AHCTF1: variants seen among roughly 807,000 people sequenced by gnomAD.
AHCTF1 encodes the protein AT-hook containing transcription factor 1, also known as protein ELYS.
Under a neutral mutation model 248.4 loss-of-function variants are expected in AHCTF1, and 24 were observed. The observed-to-expected ratio is 0.10, with a 90% confidence interval of 0.07 to 0.14. The LOEUF is 0.14. AHCTF1 is among the 10% of genes least tolerant of loss of function. The pLI is 1.00. For synonymous variants in AHCTF1, 786 were observed against 929.8 expected (o/e 0.85, Z 2.81); for missense variants, 2,206 against 2,636.2 (o/e 0.84, Z 3.57).
intron 34 of AHCTF1, among the ~76,000 whole-genome samples, chr1:246,843,268 G>A (rs372085829): frequency 1.3e-5 from 2 of 152,200 alleles, no homozygotes; most frequent in South Asian, 4.1e-4. Context: ...GGTCTATAAA[G>A]TATTTGAAGT....
intron 11 of AHCTF1, among the ~76,000 whole-genome samples, chr1:246,899,127 T>C (rs1664817052): frequency 6.6e-6 from 1 of 152,164 alleles, no homozygotes; most frequent in African/African-American, 2.4e-5. Context: ...CTTTTTTTTT[T>C]TCCTGTGCCA....
At chr1:246,899,617 T>C in intron 10 of AHCTF1, 105 bp from the exon 11 acceptor site, 1 of 737,404 alleles carries the variant, frequency 1.4e-6, no homozygotes, top group Non-Finnish European at 2.2e-6. Context: ...GTCAAATTAT[T>C]ACATGTAATA....
At chr1:246,869,929 G>A (rs1379252547) in intron 24 of AHCTF1, among the ~76,000 whole-genome samples, 1 of 152,184 alleles carries the variant, frequency 6.6e-6, no homozygotes, top group African/African-American at 2.4e-5. Context: ...ATTCCTCTGA[G>A]AGATCCGAAC....
intron 3 of AHCTF1, 42 bp downstream of exon 3, chr1:246,916,100 G>A (rs1666126280): frequency 6.3e-7 from 1 of 1,585,642 alleles, no homozygotes; most frequent in Non-Finnish European, 8.6e-7. Flanking sequence ...CAGGGGTTCA[G>A]TTTTGAAAGA....
chr1:246,875,228 G>A (rs1662854285), intron 24 of AHCTF1, among the ~76,000 whole-genome samples: 1 of 151,378 alleles, frequency 6.6e-6, no homozygotes, highest in Non-Finnish European at 1.5e-5. Flanking sequence ...AAACCCTCCT[G>A]TCACCTTCCC....
At chr1:246,910,113 A>G (rs545451160) in intron 4 of AHCTF1, among the ~76,000 whole-genome samples, 2 of 152,350 alleles carry the variant, frequency 1.3e-5, no homozygotes, top group South Asian at 4.1e-4. Flanking sequence ...CCAAAATACT[A>G]AACCTTCATC....
rs1306894372 is a variant in AHCTF1, at chr1:246,860,922, G to A, written c.4109C>T (p.Pro1370Leu). The change falls in exon 29 of 36, where the codon CCT becomes CTT. Residue 1370 changes from proline to leucine, a missense_variant. Pro to Leu is a moderately conservative substitution (Grantham distance 98). Around this residue, in one of 6 missense-constraint regions of AHCTF1, gnomAD observed 955 missense variants for 1,055.6 expected, o/e 0.90. Transcript: ENST00000648844. ...DKDVFASEVTPSDLQKQMGNL... is the reference protein window; with the variant it reads ...DKDVFASEVTLSDLQKQMGNL... ...ACCCATTTGTTTCTGTAGGTCTGAA[G>A]GAGTTACTTCTGATGCAAATACATC... is the stretch of plus-strand genomic sequence containing the variant. 2 of 1,610,434 alleles carry A rather than the reference G, an allele frequency of 1.2e-6. No homozygotes were observed. The highest frequency in any genetic ancestry group is 1.3e-5 in the African/African-American group (1 of 74,818).
At position 246,850,788 on chromosome 1, in the gene AHCTF1, G is replaced by A. The variant is rs958589626; in HGVS notation, c.5218C>T (p.Arg1740Cys). 5.0e-6 allele frequency: 8 copies of A among 1,613,624 alleles called. No individual in the cohort carries two copies. Among genetic ancestry groups the A allele is most frequent in the African/African-American group, 4.0e-5 (3 of 74,842 alleles). Residue 1740 changes from arginine (R) to cysteine (C), a missense_variant, in exon 33 of 36, where the codon CGT (arginine) becomes TGT (cysteine). Coordinates refer to ENST00000648844, the MANE Select transcript of AHCTF1 (RefSeq NM_001323342.2). Reference sequence around the variant, plus strand: ...TTTTGGATACGTTGACCTCTCGTACGAGTTTTGGAGGAAACCACGTCATCA... The same window carrying A: ...TTTTGGATACGTTGACCTCTCGTACAAGTTTTGGAGGAAACCACGTCATCA... ...QVDDVVSSKT[R>C]TRGQRIQNVN...
intron 10 of AHCTF1, 40 bp from the exon 11 acceptor site, chr1:246,899,552 T>C (rs1333305102): frequency 1.3e-6 from 2 of 1,526,146 alleles, no homozygotes; most frequent in African/African-American, 2.8e-5. Flanking sequence ...TTACATATAT[T>C]TAAAATGGCA....
chr1:246,855,535 T>C (rs546992531), intron 31 of AHCTF1, among the ~76,000 whole-genome samples, 195 bp downstream of exon 31: 2 of 152,302 alleles, frequency 1.3e-5, no homozygotes, highest in Non-Finnish European at 2.9e-5. Context: ...CAGAATGCCT[T>C]ACAAGCAACC....
chr1:246,886,872 C>T (rs1223985437), intron 20 of AHCTF1, among the ~76,000 whole-genome samples: 1 of 152,128 alleles, frequency 6.6e-6, no homozygotes. Flanking sequence ...ATAAGATCTT[C>T]CCATCACCAA....
intron 33 of AHCTF1, among the ~76,000 whole-genome samples, chr1:246,845,592 T>C (rs1229702129): frequency 1.3e-5 from 2 of 152,238 alleles, no homozygotes; most frequent in Non-Finnish European, 2.9e-5. Context: ...TCACCTAAGC[T>C]TTCCTACTCC....
rs758917844 is a variant in AHCTF1, at chr1:246,916,124, A to G, written c.375+18T>C. The G allele has an allele frequency of 5.0e-6, 8 of 1,609,956 alleles. No individual in the cohort carries two copies. The South Asian group carries it at 8.8e-5, about 18-fold the overall frequency. On this transcript the variant is annotated intron_variant, in intron 3 of 35. Transcript: ENST00000648844. ...AGTTTTGAAAGAGAAATGTCCAGGT[A>G]TCTTAAACAGTACCTACCCTTCCAG...
Position 246,887,136 on chromosome 1 carries a change from C to T in AHCTF1, c.2472+75G>A, listed in dbSNP as rs1558248715. 4.0e-6 allele frequency: 6 copies of T among 1,491,798 alleles called. No homozygotes were observed. In the East Asian group the frequency reaches 1.2e-4, roughly 29 times the overall value. The allele number at this position is 1,491,798 out of a possible 1,614,324, so 92.4% of individuals were successfully genotyped here. Reference sequence around the variant, plus strand: ...GTAGACTGTATCATATCTTTTAATACCAAATTTAAATTATGTGTATTTTCT... The same window carrying T: ...GTAGACTGTATCATATCTTTTAATATCAAATTTAAATTATGTGTATTTTCT... On this transcript the variant is annotated intron_variant, in intron 20 of 35. Transcript: ENST00000648844.
intron 32 of AHCTF1, among the ~76,000 whole-genome samples, chr1:246,851,696 A>G (rs1286077473): frequency 2.0e-5 from 3 of 152,228 alleles, no homozygotes; most frequent in Non-Finnish European, 4.4e-5. Context: ...CTAGCTAAAA[A>G]GACAGTCAAC....
chr1:246,908,462 T>G (rs1225114299), intron 4 of AHCTF1, among the ~76,000 whole-genome samples: 1 of 152,012 alleles, frequency 6.6e-6, no homozygotes, highest in African/African-American at 2.4e-5. Flanking sequence ...CACTAAACAT[T>G]TATCCTGCCT....
At position 246,897,270 on chromosome 1, in the gene AHCTF1, C is replaced by T. The variant is rs1305344900; in HGVS notation, c.1623+938G>A. On this transcript the variant is annotated intron_variant, in intron 12 of 35. Transcript: ENST00000648844. The stretch of plus-strand genomic sequence containing the variant: ...TGGAGGTTGCAGTGAGCCAAGATCA[C>T]GTCACTGCACTCCAGTCTGGGCAAC... 1.3e-5 allele frequency among the ~76,000 whole-genome samples: 2 copies of T among 152,038 alleles called. 1 individual carries two copies.
intron 23 of AHCTF1, among the ~76,000 whole-genome samples, chr1:246,876,426 G>A (rs1460317488): frequency 6.6e-6 from 1 of 152,106 alleles, no homozygotes; most frequent in African/African-American, 2.4e-5. Flanking sequence ...TAAAAACAAT[G>A]GTTATTAAGC....
intron 27 of AHCTF1, among the ~76,000 whole-genome samples, chr1:246,862,944 C>T (rs569551703): frequency 6.6e-6 from 1 of 152,106 alleles, no homozygotes; most frequent in Non-Finnish European, 1.5e-5. Context: ...CCTCTAAAGG[C>T]CTAGTAAACA....
Sources: allele counts gnomAD v4.1 joint callset (sites outside exome capture counted in the v4.1 genomes callset), GRCh38; gene constraint gnomAD v4.1.1; regional missense constraint gnomAD v4.1.1; transcripts MANE v1.5; gene names NCBI Gene and HGNC (gene_info 2026-07-23, HGNC 2026-07-21).